Variants in AOX1 observed in about 807,000 individuals in gnomAD.
AOX1 encodes aldehyde oxidase 1, also known as aldehyde oxidase.
Under a neutral mutation model 169.5 loss-of-function variants are expected in AOX1, and 153 were observed. The ratio of observed to expected loss-of-function variants is 0.90; its 90% CI spans 0.79 to 1.03. The LOEUF is 1.03. Ranked by LOEUF, AOX1 falls within the 50% of genes least tolerant of loss-of-function variation. The pLI is 0.00. For missense variants in AOX1, 1,656 were observed against 1,663.9 expected (o/e 1.00, Z 0.08); for synonymous variants, 562 against 581.9 (o/e 0.97, Z 0.49).
chr2:200,620,965 G>T (rs1337984861), intron 17 of AOX1, 146 bp downstream of exon 17: 1 of 1,301,178 alleles, frequency 7.7e-7, no homozygotes, highest in Non-Finnish European at 1.1e-6. Context: ...CGAAATGTAG[G>T]ATTTACTACA....
intron 21 of AOX1, among the ~76,000 whole-genome samples, chr2:200,636,343 G>A (rs2035232801): frequency 6.6e-6 from 1 of 151,894 alleles, no homozygotes; most frequent in East Asian, 1.9e-4. Context: ...TGGCCAGGCT[G>A]GTCTCGAACT....
intron 1 of AOX1, among the ~76,000 whole-genome samples, chr2:200,586,355 G>A (rs2034030677): frequency 6.6e-6 from 1 of 152,214 alleles, no homozygotes; most frequent in Non-Finnish European, 1.5e-5. Flanking sequence ...TTCAGGGACT[G>A]TCCTGGATCT....
At chr2:200,679,656 G>GCCC (rs35141860), downstream of AOX1, among the ~76,000 whole-genome samples, 1,617 of 149,716 alleles carry the variant, frequency 0.011, 25 homozygotes, top group African/African-American at 0.037. Context: ...AGGTAGTGAC[G>GCCC]CCCCCCCCCG....
chr2:200,615,354 A>G (rs1391644598), intron 15 of AOX1, among the ~76,000 whole-genome samples: 2 of 152,202 alleles, frequency 1.3e-5, no homozygotes, highest in Non-Finnish European at 2.9e-5. Context: ...AATAACCACC[A>G]TGTGTATTGT....
chr2:200,594,170 A>G (rs1193259064), intron 2 of AOX1, among the ~76,000 whole-genome samples: 1 of 152,150 alleles, frequency 6.6e-6, no homozygotes, highest in Non-Finnish European at 1.5e-5. Flanking sequence ...CCCTGGAGAT[A>G]AGGTTGAGTG....
intron 16 of AOX1, among the ~76,000 whole-genome samples, chr2:200,619,884 T>C (rs1574927836): frequency 6.6e-6 from 1 of 152,218 alleles, no homozygotes; most frequent in East Asian, 1.9e-4. Flanking sequence ...CCTCAGTATT[T>C]TCTACAAACA....
intron 1 of AOX1, among the ~76,000 whole-genome samples, chr2:200,586,563 A>T (rs2106360779): frequency 6.6e-6 from 1 of 152,344 alleles, no homozygotes; most frequent in East Asian, 1.9e-4. Context: ...GCCTACAGAA[A>T]TGGCTGAGCC....
intron 24 of AOX1, among the ~76,000 whole-genome samples, chr2:200,642,300 A>T (rs1265745785): frequency 6.6e-6 from 1 of 152,184 alleles, no homozygotes; most frequent in East Asian, 1.9e-4. Context: ...TATATTCATT[A>T]CATTCTATAG....
chr2:200,621,502 G>T (rs2034885547), intron 18 of AOX1, among the ~76,000 whole-genome samples: 1 of 152,054 alleles, frequency 6.6e-6, no homozygotes, highest in African/African-American at 2.4e-5. Context: ...TACTGCTAAT[G>T]GTATAAATGA....
At position 200,661,597 on chromosome 2, in the gene AOX1, G is replaced by GAAAGCA. The variant is rs2035830008; in HGVS notation, c.3395_3400dup (p.Ser1133_Ile1134insLysSer). ...TTCACAGGCACAGACTGCTTTTGAT[G>GAAAGCA]AAAGCATTAACCTTTCAGCTGTTGG... On this transcript the variant is annotated inframe_insertion, in exon 30 of 35. Coordinates refer to ENST00000374700, the MANE Select transcript of AOX1 (RefSeq NM_001159.4). 1.9e-6 allele frequency: 3 copies of GAAAGCA among 1,613,348 alleles called. No homozygotes were observed. Among genetic ancestry groups the GAAAGCA allele is most frequent in the Non-Finnish European group, 2.5e-6 (3 of 1,179,434 alleles).
downstream of AOX1, among the ~76,000 whole-genome samples, chr2:200,674,190 G>C (rs1482938290): frequency 4.6e-5 from 7 of 152,216 alleles, no homozygotes; most frequent in Non-Finnish European, 7.3e-5. Flanking sequence ...TTAAGCTGAT[G>C]CAGAAGGAAA....
Position 200,654,206 on chromosome 2 carries a change from C to CAA in AOX1, c.3076-2610_3076-2609dup, listed in dbSNP as rs60045401. On this transcript the variant is annotated intron_variant, in intron 26 of 34. Transcript: ENST00000374700. ...CTGGGTGACAGAAGAGACCCTGTCT[C>CAA]AAAAAAAAAAAAAAAAAAAAAAAAA... Among the ~76,000 whole-genome samples the CAA allele has an allele frequency of 9.1e-4, 77 of 84,760 alleles. 2 individuals are homozygous for CAA. Among genetic ancestry groups the CAA allele is most frequent in the Admixed American group, 6.6e-3 (48 of 7,240 alleles). The allele number at this position is 84,760 out of a possible 152,430, so 55.6% of individuals were successfully genotyped here. A position where few individuals can be genotyped will look rare whatever the true frequency, so the allele number is the denominator to read the frequency against.
At chr2:200,627,831 A>G (rs1326872255) in intron 20 of AOX1, among the ~76,000 whole-genome samples, 1 of 152,182 alleles carries the variant, frequency 6.6e-6, no homozygotes, top group Non-Finnish European at 1.5e-5. Context: ...CACAACAACT[A>G]CTAAATAACA....
intron 30 of AOX1, among the ~76,000 whole-genome samples, chr2:200,662,493 C>A (rs996210538): frequency 2.6e-5 from 4 of 152,110 alleles, no homozygotes; most frequent in African/African-American, 9.7e-5. Context: ...ACAAAGCAGG[C>A]AAGCATGCAC....
chr2:200,680,153 TA>T (rs1468325066), downstream of AOX1, among the ~76,000 whole-genome samples: 2 of 152,200 alleles, frequency 1.3e-5, no homozygotes, highest in Non-Finnish European at 2.9e-5. Context: ...TTGGTCTGTG[TA>T]AATAGTCATG....
At chr2:200,677,933 T>C (rs1321607856), downstream of AOX1, among the ~76,000 whole-genome samples, 2 of 152,200 alleles carry the variant, frequency 1.3e-5, no homozygotes, top group Non-Finnish European at 2.9e-5. Flanking sequence ...TTATGTAACG[T>C]GCCCAAGATC....
At chr2:200,651,309 G>A in intron 26 of AOX1, 108 bp downstream of exon 26, 1 of 929,388 alleles carries the variant, frequency 1.1e-6, no homozygotes, top group Non-Finnish European at 1.7e-6. Context: ...TGGTTGCAAT[G>A]CCCAATTGTT....
At position 200,651,189 on chromosome 2, in the gene AOX1, T is replaced by A. The variant is rs1341082143; in HGVS notation, c.3063T>A (p.Arg1021=). The change falls in exon 26 of 35, where the codon CGT becomes CGA. Residue 1021 remains arginine, a synonymous_variant. Transcript: ENST00000374700. ...AGTTTCCTGTTGGCCTTGGCTCACG[T>A]GCTGCTGGTCAGGTGAGTTCTCCAA... The part of the protein sequence containing the change: ...PLKFPVGLGS[R]AAGQAAALVH... The A allele has an allele frequency of 1.1e-5, 17 of 1,614,024 alleles. No homozygotes were observed. The highest frequency in any genetic ancestry group is 1.4e-5 in the Non-Finnish European group (16 of 1,179,998).
At chr2:200,629,769 C>T (rs1574935913) in intron 20 of AOX1, among the ~76,000 whole-genome samples, 1 of 152,260 alleles carries the variant, frequency 6.6e-6, no homozygotes, top group Non-Finnish European at 1.5e-5. Context: ...TGTTTCCTGA[C>T]ATAATGAGTA....
Sources: gnomAD v4.1 joint callset for allele counts (sites outside exome capture counted in the v4.1 genomes callset) on GRCh38, gnomAD v4.1.1 for gene constraint, MANE v1.5 for transcripts, NCBI Gene and HGNC (gene_info 2026-07-23, HGNC 2026-07-21) for gene names.